The following EPHA4 variants were observed in gnomAD, a reference collection of about 807,000 sequenced individuals.
EPHA4 encodes ephrin type-A receptor 4.
Under a neutral mutation model 108.3 loss-of-function variants are expected in EPHA4, and 19 were observed. The observed-to-expected ratio is 0.18, with a 90% confidence interval of 0.12 to 0.26. The LOEUF (loss-of-function observed/expected upper bound fraction) is 0.26. EPHA4 is among the 10% of genes least tolerant of loss of function. The probability of loss-of-function intolerance (pLI) is 1.00; values close to 1 mark genes in which losing one functional copy is unlikely to be tolerated. For synonymous variants in EPHA4, 449 were observed against 455.5 expected, an observed-to-expected ratio of 0.99 and a Z score of 0.18; for missense variants, 917 against 1,254.0, an observed-to-expected ratio of 0.73 and a Z score of 4.06.
chr2:221,482,109 G>T (rs1691838066), intron 5 of EPHA4, among the ~76,000 whole-genome samples: 1 of 152,028 alleles, frequency 6.6e-6, no homozygotes, highest in East Asian at 1.9e-4. Context: ...GTGTCATCGT[G>T]TTGCCCAGTC....
intron 5 of EPHA4, among the ~76,000 whole-genome samples, chr2:221,461,975 T>G (rs895609239): frequency 7.6e-6 from 1 of 131,494 alleles, no homozygotes; most frequent in African/African-American, 2.6e-5. Context: ...GGGGGGCTGA[T>G]GAACACATTC....
rs1249303265 is a variant in EPHA4 at position 221,564,470 on chromosome 2, A to G, written c.160-76T>C. On this transcript the variant is annotated intron_variant, in intron 2 of 17. Coordinates refer to ENST00000281821, the MANE Select transcript of EPHA4 (RefSeq NM_004438.5). ...GATTTGTCAATCCCATTTTATTCTC[A>G]TAGGACACCTGATTATTTTTCTTTC... 2.2e-6 allele frequency: 3 copies of G among 1,392,056 alleles called. No individual in the cohort carries two copies. The African/African-American group carries it at 4.3e-5, about 20-fold the overall frequency. The allele number at this position is 1,392,056 out of a possible 1,614,324, so 86.2% of individuals were successfully genotyped here.
intron 4 of EPHA4, among the ~76,000 whole-genome samples, chr2:221,497,474 C>A (rs1318082323): frequency 6.6e-6 from 1 of 152,148 alleles, no homozygotes; most frequent in Non-Finnish European, 1.5e-5. Flanking sequence ...TGCAATGGCT[C>A]ACGCCTGTAA....
At position 221,436,597 on chromosome 2, in the gene EPHA4, G is replaced by C; in HGVS notation, c.2148C>G (p.Gly716=). ...SLDAFLRKND[G]RFTVIQLVGM... is the part of the protein sequence containing the mutation. ...CCACCAGCTGAATGACTGTAAATCT[G>C]CCATCATTTTTCTGCATAGAAAAGG... The change falls in exon 13 of 18, where the codon GGC becomes GGG. Residue 716 remains glycine, a synonymous_variant. Coordinates refer to ENST00000281821, the MANE Select transcript of EPHA4 (RefSeq NM_004438.5). The C allele has an allele frequency of 6.2e-7, 1 of 1,614,000 alleles. No homozygotes were observed. The highest frequency in any genetic ancestry group is 8.5e-7 in the Non-Finnish European group (1 of 1,180,000).
intron 2 of EPHA4, among the ~76,000 whole-genome samples, chr2:221,565,607 C>T (rs1183478137): frequency 2.0e-5 from 3 of 152,172 alleles, no homozygotes; most frequent in Non-Finnish European, 2.9e-5. Context: ...CAACTATGCA[C>T]TGGCAAACTC....
chr2:221,450,034 C>T (rs142144230), intron 8 of EPHA4, among the ~76,000 whole-genome samples: 5 of 152,184 alleles, frequency 3.3e-5, no homozygotes, highest in Admixed American at 1.3e-4. Flanking sequence ...AATGGTTGCA[C>T]GCAAGTTGTT....
rs545741517 is a variant in EPHA4, at chr2:221,455,799, G to T, written c.1604-141C>A. On this transcript the variant is annotated intron_variant, in intron 7 of 17. Transcript: ENST00000281821. ...ACATTTCAGAAAGGGCAGCAGTTTT[G>T]AATGTACCTCCTTCCCCGAGAGCTA... The T allele has an allele frequency of 1.2e-5, 8 of 645,678 alleles. No homozygotes were observed. In the East Asian group the frequency reaches 1.9e-4, roughly 16 times the overall value. 40.0% of individuals were successfully genotyped at this position (645,678 alleles called of 1,614,324 possible).
chr2:221,511,996 C>A (rs929741312), intron 3 of EPHA4, among the ~76,000 whole-genome samples: 2 of 151,842 alleles, frequency 1.3e-5, no homozygotes, highest in East Asian at 3.9e-4. Flanking sequence ...TCCTTTTTTT[C>A]CCCTCATGCC....
intron 5 of EPHA4, among the ~76,000 whole-genome samples, chr2:221,458,271 T>C (rs1691025294): frequency 1.3e-5 from 2 of 152,306 alleles, no homozygotes; most frequent in Middle Eastern, 3.4e-3. Flanking sequence ...ACATTTCTCA[T>C]AAAAGGCTGT....
chr2:221,548,578 G>A (rs567268690), intron 3 of EPHA4, among the ~76,000 whole-genome samples: 3 of 151,876 alleles, frequency 2.0e-5, no homozygotes, highest in South Asian at 4.2e-4. Flanking sequence ...CCCATTCTCA[G>A]GTCTTTCTTT....
chr2:221,429,254 AAAGTTCTCAC>A, intron 15 of EPHA4, among the ~76,000 whole-genome samples: 1 of 152,342 alleles, frequency 6.6e-6, no homozygotes, highest in Non-Finnish European at 1.5e-5. Context: ...CTCCATGTAG[AAAGTTCTCAC>A]TGAACTTGTA....
chr2:221,524,992 G>GA (rs529373298), intron 3 of EPHA4, among the ~76,000 whole-genome samples: 320 of 151,870 alleles, frequency 2.1e-3, no homozygotes, highest in African/African-American at 7.3e-3. Flanking sequence ...GCTGGAGAGA[G>GA]AAAAAAAGAG....
rs1416999802 is a variant in EPHA4 at position 221,420,335 on chromosome 2, T to C, written c.*1037A>G. ...GAGAACAGATGCTGAATCTTAAGTG[T>C]TTGCTGTTTCTTTCACTGCGAAAGG... On this transcript the variant is annotated 3_prime_UTR_variant, in exon 18 of 18. Coordinates refer to ENST00000281821, the MANE Select transcript of EPHA4 (RefSeq NM_004438.5). 1 of 152,680 alleles carries C rather than the reference T, an allele frequency of 6.5e-6. No individual in the cohort carries two copies. The highest frequency in any genetic ancestry group is 1.5e-5 in the Non-Finnish European group (1 of 68,042). The allele number at this position is 152,680 out of a possible 1,614,324, so 9.5% of individuals were successfully genotyped here.
At chr2:221,423,700 T>C (rs1188892639) in intron 17 of EPHA4, among the ~76,000 whole-genome samples, 1 of 152,024 alleles carries the variant, frequency 6.6e-6, no homozygotes, top group East Asian at 1.9e-4. Context: ...TCTGTTGAAA[T>C]GGTCTGCTTT....
At chr2:221,481,420 G>A (rs552446711) in intron 5 of EPHA4, among the ~76,000 whole-genome samples, 70 of 143,594 alleles carry the variant, frequency 4.9e-4, no homozygotes, top group African/African-American at 1.8e-3. Flanking sequence ...GGGAGGCCAA[G>A]GTGGGCGGAT....
rs781234389 is a variant in EPHA4, at chr2:221,572,108, G to A, written c.91+50C>T. On this transcript the variant is annotated intron_variant, in intron 1 of 17. Coordinates refer to ENST00000281821, the MANE Select transcript of EPHA4 (RefSeq NM_004438.5). ...CTGCGCTCCTGAGGACCCCTCACCC[G>A]CGATGGCCCCTCGCTGTCCCCGACC... 9 of 1,514,878 alleles carry A rather than the reference G, an allele frequency of 5.9e-6. No homozygotes were observed. The East Asian group carries it at 1.6e-4, about 27-fold the overall frequency. The allele number at this position is 1,514,878 out of a possible 1,614,324, so 93.8% of individuals were successfully genotyped here.
chr2:221,471,284 C>A (rs1295405128), intron 5 of EPHA4, among the ~76,000 whole-genome samples: 1 of 152,008 alleles, frequency 6.6e-6, no homozygotes, highest in African/African-American at 2.4e-5. Context: ...AGGGGGTTCA[C>A]AGCATGTCAC....
intron 15 of EPHA4, among the ~76,000 whole-genome samples, chr2:221,429,479 C>T (rs1690008397): frequency 6.6e-6 from 1 of 152,116 alleles, no homozygotes; most frequent in South Asian, 2.1e-4. Flanking sequence ...AAAAGGGAAA[C>T]CAGAAGAACT....
At chr2:221,509,350 T>C (rs1692754734) in intron 3 of EPHA4, among the ~76,000 whole-genome samples, 1 of 152,126 alleles carries the variant, frequency 6.6e-6, no homozygotes, top group Non-Finnish European at 1.5e-5. Context: ...ACAACAACAA[T>C]TACTAAAAAC....
Sources: allele counts gnomAD v4.1 joint callset (sites outside exome capture counted in the v4.1 genomes callset), GRCh38; gene constraint gnomAD v4.1.1; transcripts MANE v1.5; gene names NCBI Gene and HGNC (gene_info 2026-07-23, HGNC 2026-07-21).